The following FGD4 variants were observed in gnomAD, a reference collection of about 807,000 sequenced individuals.
The protein encoded by FGD4 is FYVE, RhoGEF and PH domain-containing protein 4.
A neutral mutation model predicts 102.0 loss-of-function variants in FGD4; 42 were observed. The observed-to-expected ratio is 0.41, with a 90% CI of 0.32 to 0.53. The LOEUF is 0.53. Among genes scored for constraint, FGD4 ranks in the 20% least tolerant of loss-of-function variants. FGD4 has a pLI of 0.21. For synonymous variants in FGD4, 380 were observed against 375.7 expected, an observed-to-expected ratio of 1.01 and a Z score of -0.13; for missense variants, 902 against 1,078.2, an observed-to-expected ratio of 0.84 and a Z score of 2.29.
intron 1 of FGD4, among the ~76,000 whole-genome samples, chr12:32,439,062 T>G (rs1942337151): frequency 6.6e-6 from 1 of 152,222 alleles, no homozygotes; most frequent in Admixed American, 6.5e-5. Flanking sequence ...ATAGATCTAT[T>G]GAACTTATTC....
intron 1 of FGD4, among the ~76,000 whole-genome samples, chr12:32,438,371 G>T (rs757909862): frequency 6.6e-5 from 10 of 152,078 alleles, no homozygotes; most frequent in Non-Finnish European, 1.5e-4. Flanking sequence ...AATATCTGCC[G>T]TTAAGATAAA....
chr12:32,469,791 C>T (rs935831853), intron 1 of FGD4, among the ~76,000 whole-genome samples: 7 of 152,006 alleles, frequency 4.6e-5, no homozygotes, highest in African/African-American at 1.5e-4. Flanking sequence ...TCCCGAGTAG[C>T]TGGGATTACA....
intron 1 of FGD4, among the ~76,000 whole-genome samples, chr12:32,484,828 C>T (rs763514353): frequency 3.9e-5 from 6 of 152,090 alleles, no homozygotes; most frequent in Non-Finnish European, 5.9e-5. Context: ...GCCAAGATCA[C>T]ACCACTACAC....
At chr12:32,610,570 T>A (rs961322121) in intron 8 of FGD4, among the ~76,000 whole-genome samples, 1 of 152,208 alleles carries the variant, frequency 6.6e-6, no homozygotes, top group Non-Finnish European at 1.5e-5. Context: ...AATCATCATG[T>A]ATGACTTTTT....
In FGD4 at chr12:32,458,670, G is replaced by A. The variant is rs16919907; in HGVS notation, c.166+58711G>A. 6.2e-3 allele frequency among the ~76,000 whole-genome samples: 946 copies of A among 152,208 alleles called. 16 individuals carry two copies. The highest frequency in any genetic ancestry group is 0.022 in the African/African-American group (901 of 41,530). On this transcript the variant is annotated intron_variant, in intron 1 of 16. Transcript: ENST00000534526. ...AACAATTATTGGAACTAGTGATTTGGTCCAGTAATCTCTTTTACTAATTAG... is the reference window on the plus strand; with the variant it reads ...AACAATTATTGGAACTAGTGATTTGATCCAGTAATCTCTTTTACTAATTAG...
chr12:32,548,023 A>T (rs1046909173), intron 1 of FGD4, among the ~76,000 whole-genome samples: 14 of 152,128 alleles, frequency 9.2e-5, no homozygotes, highest in African/African-American at 3.4e-4. Context: ...ATGATTGTTA[A>T]TATTTTTGTG....
chr12:32,618,187 C>T (rs941105254), intron 10 of FGD4, among the ~76,000 whole-genome samples: 4 of 152,196 alleles, frequency 2.6e-5, no homozygotes, highest in South Asian at 4.1e-4. Flanking sequence ...GGACAAGTAT[C>T]GGATAACTCA....
At chr12:32,443,155 GA>G (rs1385013239) in intron 1 of FGD4, among the ~76,000 whole-genome samples, 3 of 152,164 alleles carry the variant, frequency 2.0e-5, no homozygotes, top group Non-Finnish European at 2.9e-5. Flanking sequence ...TGGCTGTGCA[GA>G]AGCTTTTTAG....
At chr12:32,500,392 T>TTTTTTTTTA (rs1555189363) in intron 1 of FGD4, among the ~76,000 whole-genome samples, 6 of 135,274 alleles carry the variant, frequency 4.4e-5, no homozygotes, top group African/African-American at 1.7e-4. Context: ...TTTTATTTTA[T>TTTTTTTTTA]TTTTATTTTA....
rs138762438 is a variant in FGD4, at chr12:32,608,015, G to A, written c.1463G>A (p.Arg488Gln). 4.3e-6 allele frequency: 7 copies of A among 1,614,072 alleles called. No homozygotes were observed. Among genetic ancestry groups the A allele is most frequent in the African/African-American group, 2.7e-5 (2 of 74,928 alleles). ...LQHHMLEPVQ[R>Q]IPRYEMLLKD... ...CATCACATGCTAGAACCTGTTCAGC[G>A]GATTCCCCGGTATGAGATGCTCCTT... Residue 488 changes from arginine to glutamine, a missense_variant, in exon 8 of 17, where the codon CGG becomes CAG. Arg to Gln is a conservative substitution (Grantham distance 43). Around this residue, in one of 2 missense-constraint regions of FGD4, gnomAD observed 459 missense variants for 619.0 expected, o/e 0.74. Transcript: ENST00000534526.
intron 3 of FGD4, among the ~76,000 whole-genome samples, chr12:32,580,093 G>A (rs1946481191): frequency 1.3e-5 from 2 of 152,148 alleles, no homozygotes; most frequent in Non-Finnish European, 2.9e-5. Flanking sequence ...CTATTCATCT[G>A]ATGCTCATTC....
chr12:32,568,748 A>G (rs529410419), intron 2 of FGD4, among the ~76,000 whole-genome samples: 1 of 152,348 alleles, frequency 6.6e-6, no homozygotes, highest in South Asian at 2.1e-4. Context: ...TTAAAAGTGT[A>G]ATGTTATAAT....
intron 1 of FGD4, among the ~76,000 whole-genome samples, chr12:32,413,757 T>C (rs1941295081): frequency 6.6e-6 from 1 of 152,184 alleles, no homozygotes. Flanking sequence ...GAGACTGTAC[T>C]TCGGACCATG....
intron 15 of FGD4, among the ~76,000 whole-genome samples, chr12:32,634,518 A>G (rs1229364863): frequency 6.6e-6 from 1 of 152,114 alleles, no homozygotes; most frequent in Non-Finnish European, 1.5e-5. Flanking sequence ...CCTGAGAACT[A>G]TAACGCAGCT....
At chr12:32,508,328 A>T (rs1939000182) in intron 1 of FGD4, among the ~76,000 whole-genome samples, 1 of 152,196 alleles carries the variant, frequency 6.6e-6, no homozygotes, top group African/African-American at 2.4e-5. Context: ...TTGGGAATAG[A>T]TCTTCAGTTT....
intron 16 of FGD4, chr12:32,639,022 T>C: frequency 8.1e-7 from 1 of 1,240,776 alleles, no homozygotes; most frequent in African/African-American, 1.5e-5. Flanking sequence ...TCTTGTCTCA[T>C]TCAATGGGTT....
intron 1 of FGD4, among the ~76,000 whole-genome samples, chr12:32,448,722 A>AG (rs150643225): frequency 0.2 from 29,754 of 151,332 alleles, 3,553 homozygotes; most frequent in East Asian, 0.28. Context: ...TGTGTTTAGC[A>AG]GGGGGAAGGA....
In FGD4 at chr12:32,619,620, A is replaced by T. The variant is rs1949676177; in HGVS notation, c.1750-78A>T. ...ACACTCCAGCCTGGGCAACAGAGTG[A>T]GACTCTGTCTCAAAAAAAAACCTGA... On this transcript the variant is annotated intron_variant, in intron 10 of 16. Transcript: ENST00000534526. 3 of 1,488,596 alleles carry T rather than the reference A, an allele frequency of 2.0e-6. No homozygotes were observed. In the East Asian group the frequency reaches 6.8e-5, roughly 34 times the overall value. The allele number at this position is 1,488,596 out of a possible 1,614,324, so 92.2% of individuals were successfully genotyped here. A position where few individuals can be genotyped will look rare whatever the true frequency, so the allele number is the denominator to read the frequency against.
chr12:32,452,795 C>T (rs769911157), intron 1 of FGD4, among the ~76,000 whole-genome samples: 20 of 152,044 alleles, frequency 1.3e-4, no homozygotes, highest in Non-Finnish European at 2.5e-4. Context: ...TCAAGACCAG[C>T]CTGGGCAACA....
Sources: gnomAD v4.1 joint callset for allele counts (sites outside exome capture counted in the v4.1 genomes callset) on GRCh38, gnomAD v4.1.1 for gene constraint, gnomAD v4.1.1 regional missense constraint, MANE v1.5 for transcripts, NCBI Gene and HGNC (gene_info 2026-07-23, HGNC 2026-07-21) for gene names.